Variants in SSUH2 observed in about 807,000 individuals in gnomAD.
SSUH2 encodes protein SSUH2 homolog.
SSUH2 carries 47 observed loss-of-function variants against 55.3 expected under a neutral mutation model. That is an observed-to-expected ratio of 0.85 (90% confidence interval 0.67 to 1.08). The LOEUF (loss-of-function observed/expected upper bound fraction) is 1.08. SSUH2 is among the 50% of genes least tolerant of loss of function. The pLI is 0.00. For synonymous variants in SSUH2, 212 were observed against 191.5 expected (o/e 1.11, Z -0.89); for missense variants, 535 against 490.7 (o/e 1.09, Z -0.85).
At chr3:8,657,005 T>G (rs1209310542) in intron 7 of SSUH2, among the ~76,000 whole-genome samples, 1 of 152,130 alleles carries the variant, frequency 6.6e-6, no homozygotes, top group Non-Finnish European at 1.5e-5. Context: ...CTCAGCCTCC[T>G]GAGTAGCTGG....
rs142057178 is a variant in SSUH2 at position 8,627,716 on chromosome 3, G to C, written c.656C>G (p.Ala219Gly). The C allele has an allele frequency of 1.2e-6, 2 of 1,605,496 alleles. No homozygotes were observed. Among genetic ancestry groups the C allele is most frequent in the Admixed American group, 3.4e-5 (2 of 58,620 alleles). Reference sequence around the variant, plus strand: ...CCCCTACCTTCGCCTGCCGGACCCCGCGCACAGCTGACATCTCCGGGACTG... The same window carrying C: ...CCCCTACCTTCGCCTGCCGGACCCCCCGCACAGCTGACATCTCCGGGACTG... ...AKQSRRCQLCAGSGRRRCSTC... is the reference protein window; with the variant it reads ...AKQSRRCQLCGGSGRRRCSTC... The change falls in exon 8 of 12, where the codon GCG (alanine) becomes GGG (glycine). Residue 219 changes from alanine to glycine, a missense_variant. Coordinates refer to ENST00000544814, the MANE Select transcript of SSUH2 (RefSeq NM_001256748.3).
rs1335946246 is a variant in SSUH2 at position 8,679,255 on chromosome 3, T to TCC, written c.-901+448_-901+449dup. Among the ~76,000 whole-genome samples the TCC allele has an allele frequency of 5.6e-4, 36 of 63,944 alleles. 4 individuals are homozygous for TCC. Among genetic ancestry groups the TCC allele is most frequent in the East Asian group, 3.9e-3 (10 of 2,548 alleles). 41.9% of individuals were successfully genotyped at this position (63,944 alleles called of 152,430 possible). Reference sequence around the variant, plus strand: ...GCGGGGACTGAGAGCCAGCCAATTTTCCCCCTGGCTTTTAGGACCCCCATC... The same window carrying TCC: ...GCGGGGACTGAGAGCCAGCCAATTTTCCCCCCCTGGCTTTTAGGACCCCCATC... On this transcript the variant is annotated intron_variant, in intron 2 of 18. Coordinates refer to the SSUH2 transcript ENST00000317371.
intron 7 of SSUH2, among the ~76,000 whole-genome samples, chr3:8,649,889 GAC>G (rs935673011): frequency 2.6e-5 from 4 of 152,018 alleles, no homozygotes; most frequent in Non-Finnish European, 5.9e-5. Flanking sequence ...AAATCACTTG[GAC>G]TAAAAGCCCA....
In SSUH2 at chr3:8,639,184, C is replaced by T. The variant is rs558991356; in HGVS notation, c.29-3327G>A. On this transcript the variant is annotated intron_variant, in intron 1 of 11. Coordinates refer to ENST00000544814, the MANE Select transcript of SSUH2 (RefSeq NM_001256748.3). ...ACGGGGCATTGTGTGACACCCAGCA[C>T]GGGGCACTCGGAAGGGGCCACCAGC... 2.5e-3 allele frequency among the ~76,000 whole-genome samples: 376 copies of T among 152,316 alleles called. 1 individual carries two copies. The highest frequency in any genetic ancestry group is 4.2e-3 in the Non-Finnish European group (284 of 68,026).
At chr3:8,677,090 G>C in intron 3 of SSUH2, 1 of 144,476 alleles carries the variant, frequency 6.9e-6, no homozygotes, top group South Asian at 2.3e-4. Flanking sequence ...GTGGCTCTTA[G>C]GACCCCCATC....
chr3:8,630,256 T>C (rs942652484), intron 6 of SSUH2, among the ~76,000 whole-genome samples: 1 of 152,114 alleles, frequency 6.6e-6, no homozygotes, highest in Non-Finnish European at 1.5e-5. Context: ...CACCCTTAAA[T>C]CCAGTCCAAA....
chr3:8,622,626 C>A (rs1345304018), intron 11 of SSUH2, among the ~76,000 whole-genome samples: 1 of 152,190 alleles, frequency 6.6e-6, no homozygotes, highest in African/African-American at 2.4e-5. Context: ...AGTGCCTGAA[C>A]TGCATGATTT....
At chr3:8,668,333 T>C (rs1255849240) in intron 5 of SSUH2, among the ~76,000 whole-genome samples, 1 of 152,248 alleles carries the variant, frequency 6.6e-6, no homozygotes, top group African/African-American at 2.4e-5. Context: ...GTTGGCTCTC[T>C]GGATAGCTAG....
chr3:8,664,128 C>A (rs1326970398), intron 5 of SSUH2, among the ~76,000 whole-genome samples: 1 of 152,228 alleles, frequency 6.6e-6, no homozygotes, highest in Non-Finnish European at 1.5e-5. Context: ...AAAGTGTGCA[C>A]AGACCTGTGT....
At position 8,630,916 on chromosome 3, in the gene SSUH2, A is replaced by G. The variant is rs781484298; in HGVS notation, c.414T>C (p.Asp138=). The G allele has an allele frequency of 4.3e-5, 62 of 1,440,594 alleles. No individual in the cohort carries two copies. The highest frequency in any genetic ancestry group is 5.2e-5 in the Non-Finnish European group (57 of 1,093,954). 89.2% of individuals were successfully genotyped at this position (1,440,594 alleles called of 1,614,324 possible). A position where few individuals can be genotyped will look rare whatever the true frequency, so the allele number is the denominator to read the frequency against. Residue 138 remains aspartate, a synonymous_variant, in exon 6 of 12, where the codon GAT becomes GAC. Transcript: ENST00000544814. ...TFQPFTNHSV[D]GPQRGASPRL... is the part of the protein sequence containing the mutation. Reference sequence around the variant, plus strand: ...TGGGGGAGGCGCCTCTTTGCGGCCCATCCACAGAGTGGTCTGACACAGAAA... The same window carrying G: ...TGGGGGAGGCGCCTCTTTGCGGCCCGTCCACAGAGTGGTCTGACACAGAAA...
chr3:8,662,055 T>C (rs1044001359), intron 6 of SSUH2, among the ~76,000 whole-genome samples: 3 of 152,188 alleles, frequency 2.0e-5, no homozygotes, highest in Non-Finnish European at 2.9e-5. Flanking sequence ...TGTGGATCCA[T>C]TAAACCTTCT....
At chr3:8,650,466 G>T (rs1435232236) in intron 7 of SSUH2, among the ~76,000 whole-genome samples, 1 of 152,174 alleles carries the variant, frequency 6.6e-6, no homozygotes, top group Non-Finnish European at 1.5e-5. Context: ...CTTATGCAGG[G>T]ACTTTATCTT....
At position 8,619,570 on chromosome 3, in the gene SSUH2, G is replaced by A. The variant is rs749559323; in HGVS notation, c.*298C>T. 10 of 288,462 alleles carry A rather than the reference G, an allele frequency of 3.5e-5. No individual in the cohort carries two copies. Among genetic ancestry groups the A allele is most frequent in the East Asian group, 1.3e-4 (2 of 14,994 alleles). The allele number at this position is 288,462 out of a possible 1,614,324, so 17.9% of individuals were successfully genotyped here. On this transcript the variant is annotated 3_prime_UTR_variant, in exon 12 of 12. Transcript: ENST00000544814. ...GCAAAATCAAATCACACGCATCATC[G>A]GGGCATTAACTTGGAGACCAGAGGC... is the stretch of plus-strand genomic sequence containing the variant.
At chr3:8,681,029 G>A (rs1404436737) in intron 1 of SSUH2, among the ~76,000 whole-genome samples, 10 of 149,814 alleles carry the variant, frequency 6.7e-5, no homozygotes, top group Non-Finnish European at 1.0e-4. Flanking sequence ...TCCAAGTGGC[G>A]GGGACTGAGA....
intron 6 of SSUH2, among the ~76,000 whole-genome samples, chr3:8,661,481 T>C (rs17049426): frequency 0.12 from 18,710 of 152,200 alleles, 1,404 homozygotes; most frequent in African/African-American, 0.2. Context: ...GTCATGAACC[T>C]GGAAGCTGTC....
At chr3:8,663,076 G>A (rs1703652021) in intron 6 of SSUH2, among the ~76,000 whole-genome samples, 1 of 152,348 alleles carries the variant, frequency 6.6e-6, no homozygotes, top group African/African-American at 2.4e-5. Context: ...GCCATGAGCT[G>A]AGCCTGATAA....
At chr3:8,636,513 T>C (rs975647657) in intron 1 of SSUH2, among the ~76,000 whole-genome samples, 1 of 152,090 alleles carries the variant, frequency 6.6e-6, no homozygotes, top group Non-Finnish European at 1.5e-5. Flanking sequence ...TCCTGACCCA[T>C]AAAATCATGA....
At chr3:8,662,317 C>A (rs1044106598) in intron 6 of SSUH2, among the ~76,000 whole-genome samples, 3 of 152,196 alleles carry the variant, frequency 2.0e-5, no homozygotes, top group Admixed American at 6.5e-5. Context: ...GTGTGAAATG[C>A]GCACCTTTGT....
intron 5 of SSUH2, among the ~76,000 whole-genome samples, 195 bp from the exon 6 acceptor site, chr3:8,631,124 GT>G: frequency 6.6e-6 from 1 of 152,268 alleles, no homozygotes; most frequent in Non-Finnish European, 1.5e-5. Flanking sequence ...ACAGATCTGG[GT>G]TTGACTCCTG....
Sources: gnomAD v4.1 joint callset for allele counts (sites outside exome capture counted in the v4.1 genomes callset) on GRCh38, gnomAD v4.1.1 for gene constraint, MANE v1.5 for transcripts, NCBI Gene and HGNC (gene_info 2026-07-23, HGNC 2026-07-21) for gene names.